Variants in VPS13A observed in about 807,000 individuals in gnomAD.
VPS13A encodes the protein vacuolar protein sorting 13 homolog A.
In VPS13A, 264 loss-of-function variants were observed where a neutral mutation model predicts 390.9. The observed-to-expected ratio is 0.68, with a 90% CI of 0.61 to 0.75. The LOEUF is 0.75. Ranked by LOEUF, VPS13A falls within the 30% of genes least tolerant of loss-of-function variation. The pLI is 0.00. For missense variants in VPS13A, 3,409 were observed against 3,733.9 expected, an observed-to-expected ratio of 0.91 and a Z score of 2.27; for synonymous variants, 1,231 against 1,227.1, an observed-to-expected ratio of 1.00 and a Z score of -0.07.
At chr9:77,312,461 T>G (rs1471203030) in intron 35 of VPS13A, among the ~76,000 whole-genome samples, 1 of 151,894 alleles carries the variant, frequency 6.6e-6, no homozygotes, top group African/African-American at 2.4e-5. Flanking sequence ...GAGTCTCGCT[T>G]TGTCACCCAG....
intron 68 of VPS13A, 67 bp from the exon 69 acceptor site, chr9:77,403,169 G>C (rs1834460173): frequency 1.8e-6 from 2 of 1,091,818 alleles, no homozygotes; most frequent in African/African-American, 3.1e-5. Context: ...AGGACTATAA[G>C]GCATTGTTTG....
intron 23 of VPS13A, among the ~76,000 whole-genome samples, chr9:77,268,808 T>C (rs1826182942): frequency 6.6e-6 from 1 of 151,918 alleles, no homozygotes; most frequent in Non-Finnish European, 1.5e-5. Flanking sequence ...GGCATGGTGG[T>C]GGGCATCTGT....
chr9:77,406,233 G>A (rs1383700608), intron 70 of VPS13A, among the ~76,000 whole-genome samples: 1 of 151,910 alleles, frequency 6.6e-6, no homozygotes, highest in Non-Finnish European at 1.5e-5. Flanking sequence ...TGTATATTCA[G>A]TAACAGAGCC....
intron 1 of VPS13A, among the ~76,000 whole-genome samples, chr9:77,179,294 G>A (rs1301642055): frequency 2.6e-5 from 4 of 152,148 alleles, no homozygotes; most frequent in Non-Finnish European, 4.4e-5. Context: ...AATGCTAAGA[G>A]GCATGTATGC....
intron 67 of VPS13A, among the ~76,000 whole-genome samples, chr9:77,375,186 A>C (rs1833000542): frequency 6.6e-6 from 1 of 152,176 alleles, no homozygotes; most frequent in Non-Finnish European, 1.5e-5. Flanking sequence ...AAACCTTATA[A>C]TTCTGTACCC....
At position 77,314,053 on chromosome 9, in the gene VPS13A, A is replaced by G. The variant is rs1390397001; in HGVS notation, c.4176A>G (p.Thr1392=). 1.2e-6 allele frequency: 2 copies of G among 1,613,366 alleles called. No individual in the cohort carries two copies. Among genetic ancestry groups the G allele is most frequent in the South Asian group, 1.1e-5 (1 of 91,036 alleles). Residue 1392 remains threonine, a synonymous_variant, in exon 36 of 72, where the codon ACA becomes ACG. Coordinates refer to ENST00000360280, the MANE Select transcript of VPS13A (RefSeq NM_033305.3). ...ATTCACGTGCCTTACTAGTTAAGAC[A>G]ACACTAAACATAAGCTTCAAAACTG... ...EVHSRALLVK[T]TLNISFKTDD...
chr9:77,280,369 A>G, intron 27 of VPS13A, 131 bp downstream of exon 27: 1 of 680,058 alleles, frequency 1.5e-6, no homozygotes, highest in East Asian at 3.0e-5. Flanking sequence ...CCTAATACTA[A>G]GGTTTTTTTT....
At chr9:77,266,605 A>G (rs1488432903) in intron 23 of VPS13A, among the ~76,000 whole-genome samples, 1 of 150,938 alleles carries the variant, frequency 6.6e-6, no homozygotes, top group Non-Finnish European at 1.5e-5. Context: ...TTTTTCTTTC[A>G]TTTCAACCTT....
chr9:77,298,670 A>C (rs1260534662), intron 33 of VPS13A, among the ~76,000 whole-genome samples: 1 of 152,122 alleles, frequency 6.6e-6, no homozygotes, highest in Admixed American at 6.6e-5. Flanking sequence ...ATGTTGATGG[A>C]TAATAGAGAG....
intron 1 of VPS13A, among the ~76,000 whole-genome samples, chr9:77,198,725 G>A (rs774986711): frequency 2.1e-4 from 32 of 151,822 alleles, no homozygotes; most frequent in Non-Finnish European, 1.0e-4. Context: ...GTGCAGTGGC[G>A]TGATGTCGGC....
intron 69 of VPS13A, among the ~76,000 whole-genome samples, chr9:77,405,107 A>T (rs1834539615): frequency 6.6e-6 from 1 of 152,162 alleles, no homozygotes. Context: ...TAGACTTCTT[A>T]TAGACAGAAG....
At chr9:77,387,298 A>G (rs758526147) in intron 68 of VPS13A, among the ~76,000 whole-genome samples, 6 of 152,208 alleles carry the variant, frequency 3.9e-5, no homozygotes, top group Non-Finnish European at 8.8e-5. Flanking sequence ...CAATGGTTCT[A>G]TAATTAACTA....
rs2131681023 is a variant in VPS13A, at chr9:77,420,787, T to C, written c.*4781T>C. 1 of 152,312 alleles carries C rather than the reference T, an allele frequency of 6.6e-6. No individual in the cohort carries two copies. Among genetic ancestry groups the C allele is most frequent in the African/African-American group, 2.4e-5 (1 of 41,574 alleles). 9.4% of individuals were successfully genotyped at this position (152,312 alleles called of 1,614,324 possible). ...AGATATCAAATAATCAGAAGTATAA[T>C]TAAAATAGAACATGTTGGAAAATCC... On this transcript the variant is annotated 3_prime_UTR_variant, in exon 72 of 72. Transcript: ENST00000360280.
intron 39 of VPS13A, among the ~76,000 whole-genome samples, chr9:77,316,670 T>A (rs1829409043): frequency 6.6e-6 from 1 of 152,128 alleles, no homozygotes; most frequent in Admixed American, 6.6e-5. Flanking sequence ...AGTTAAGATC[T>A]ACTTTGACTT....
intron 20 of VPS13A, 138 bp downstream of exon 20, chr9:77,247,533 T>C: frequency 1.1e-6 from 1 of 946,098 alleles, no homozygotes; most frequent in Non-Finnish European, 1.5e-6. Context: ...TTGAGAAATC[T>C]CCCTTTCTGT....
At chr9:77,291,634 C>G (rs1827671257) in intron 31 of VPS13A, among the ~76,000 whole-genome samples, 1 of 152,160 alleles carries the variant, frequency 6.6e-6, no homozygotes, top group Non-Finnish European at 1.5e-5. Context: ...TTCTTCTACT[C>G]TTGTACCTCA....
intron 8 of VPS13A, 94 bp from the exon 9 acceptor site, chr9:77,213,140 G>A (rs1332843495): frequency 2.0e-6 from 3 of 1,532,852 alleles, no homozygotes; most frequent in Non-Finnish European, 2.7e-6. Flanking sequence ...TTAACTCTGT[G>A]ATATGGCTCA....
chr9:77,326,448 C>T (rs915519317), intron 45 of VPS13A, among the ~76,000 whole-genome samples: 28 of 151,944 alleles, frequency 1.8e-4, no homozygotes, highest in African/African-American at 6.0e-4. Context: ...TTACTTTTAG[C>T]TTTTTCCTCG....
intron 19 of VPS13A, 127 bp downstream of exon 19, chr9:77,238,513 CAG>C (rs1824282138): frequency 2.5e-6 from 2 of 784,338 alleles, no homozygotes; most frequent in East Asian, 2.7e-5. Context: ...TTTAGTTTAA[CAG>C]AAACTAATTT....
Sources: allele counts gnomAD v4.1 joint callset (sites outside exome capture counted in the v4.1 genomes callset), GRCh38; gene constraint gnomAD v4.1.1; transcripts MANE v1.5; gene names NCBI Gene and HGNC (gene_info 2026-07-23, HGNC 2026-07-21).